Variants in IDO2 observed in about 807,000 individuals in gnomAD.
IDO2 encodes the protein indoleamine 2,3-dioxygenase-like 1 protein.
In IDO2, 46 loss-of-function variants were observed where a neutral mutation model predicts 45.1. The observed-to-expected ratio is 1.02, with a 90% CI of 0.80 to 1.30. IDO2 has a LOEUF of 1.30. IDO2 is among the 50% of genes most tolerant of loss of function. IDO2 has a pLI of 0.00. For synonymous variants in IDO2, 218 were observed against 184.9 expected (o/e 1.18, Z -1.45); for missense variants, 544 against 491.8 (o/e 1.11, Z -1.00).
Position 39,949,141 on chromosome 8 carries a change from C to T in IDO2, c.-17-8C>T, listed in dbSNP as rs1276185663. Reference sequence around the variant, plus strand: ...ACAATTGATTCTTCAGTGACACTTTCCATGCAGATACTTCAAACAAAATAA... The same window carrying T: ...ACAATTGATTCTTCAGTGACACTTTTCATGCAGATACTTCAAACAAAATAA... On this transcript the variant is annotated splice_polypyrimidine_tract_variant and splice_region_variant and intron_variant, in intron 1 of 10. Coordinates refer to ENST00000502986, the Ensembl canonical transcript of IDO2. The T allele has an allele frequency of 4.4e-6, 7 of 1,593,128 alleles. No individual in the cohort carries two copies. Among genetic ancestry groups the T allele is most frequent in the Non-Finnish European group, 6.0e-6 (7 of 1,168,644 alleles).
chr8:39,963,658 T>G, exon 3 of IDO2: 1 of 1,612,668 alleles, frequency 6.2e-7, no homozygotes, highest in Non-Finnish European at 8.5e-7. Context: ...CCAACAAACT[T>G]CCTCAATTGA....
intron 2 of IDO2, among the ~76,000 whole-genome samples, chr8:39,962,051 A>G (rs1808006494): frequency 6.6e-6 from 1 of 152,236 alleles, no homozygotes; most frequent in South Asian, 2.1e-4. Flanking sequence ...CATAGATAGC[A>G]TGTAAACAAA....
At chr8:39,957,992 G>A (rs536784729) in intron 2 of IDO2, among the ~76,000 whole-genome samples, 6 of 151,832 alleles carry the variant, frequency 4.0e-5, no homozygotes, top group Admixed American at 3.3e-4. Context: ...TGCAACCTTC[G>A]CCTCCTGGGT....
chr8:40,005,938 T>C (rs769669457), intron 9 of IDO2, among the ~76,000 whole-genome samples: 35 of 152,208 alleles, frequency 2.3e-4, no homozygotes, highest in Non-Finnish European at 3.2e-4. Context: ...AATGCCCTTA[T>C]AAAGGGGCTG....
At chr8:39,985,545 C>A (rs147416524) in intron 6 of IDO2, 23 bp downstream of exon 6, 2 of 1,554,174 alleles carry the variant, frequency 1.3e-6, no homozygotes, top group South Asian at 1.2e-5. Flanking sequence ...AAATCATTTA[C>A]GCACTTTAGA....
chr8:39,969,662 T>G (rs113849052), intron 3 of IDO2, among the ~76,000 whole-genome samples: 2,513 of 152,176 alleles, frequency 0.017, 71 homozygotes, highest in African/African-American at 0.058. Context: ...ATCACCTGAG[T>G]TCAGGACTTC....
At chr8:40,014,558 C>A (rs1802358050) in intron 10 of IDO2, among the ~76,000 whole-genome samples, 1 of 152,194 alleles carries the variant, frequency 6.6e-6, no homozygotes, top group Non-Finnish European at 1.5e-5. Context: ...AAACAAAATT[C>A]ACCAGAGTAT....
intron 3 of IDO2, among the ~76,000 whole-genome samples, chr8:39,966,996 T>C (rs1808094335): frequency 6.6e-6 from 1 of 152,258 alleles, no homozygotes; most frequent in Non-Finnish European, 1.5e-5. Flanking sequence ...AGCTGATATA[T>C]AAAAAGAACT....
At chr8:39,971,552 T>C (rs1428124353) in intron 3 of IDO2, among the ~76,000 whole-genome samples, 1 of 152,184 alleles carries the variant, frequency 6.6e-6, no homozygotes, top group Non-Finnish European at 1.5e-5. Flanking sequence ...CTGAAGAATC[T>C]GGGCAAAGTC....
At chr8:39,981,930 AG>A (rs921449465) in intron 4 of IDO2, among the ~76,000 whole-genome samples, 3 of 152,034 alleles carry the variant, frequency 2.0e-5, no homozygotes, top group Non-Finnish European at 4.4e-5. Flanking sequence ...AAAAGGTTGA[AG>A]GGGGTCTGTC....
chr8:39,968,469 C>T (rs555686133), intron 3 of IDO2, among the ~76,000 whole-genome samples: 1 of 152,090 alleles, frequency 6.6e-6, no homozygotes, highest in Admixed American at 6.6e-5. Context: ...ACTGAAAAAC[C>T]CATGGAATTG....
intron 9 of IDO2, 125 bp downstream of exon 9, chr8:40,005,503 A>G: frequency 2.0e-6 from 1 of 497,828 alleles, no homozygotes; most frequent in Non-Finnish European, 3.4e-6. Context: ...CTAGGGATCC[A>G]CTCTCAGGTA....
At chr8:39,951,840 A>G in intron 2 of IDO2, among the ~76,000 whole-genome samples, 1 of 152,250 alleles carries the variant, frequency 6.6e-6, no homozygotes, top group Non-Finnish European at 1.5e-5. Context: ...ACGTAGATCC[A>G]CAGTTGTAGA....
chr8:39,939,122 G>C (rs1444401600), intron 1 of IDO2, among the ~76,000 whole-genome samples: 1 of 151,794 alleles, frequency 6.6e-6, no homozygotes, highest in Non-Finnish European at 1.5e-5. Context: ...TGTGGTGGCG[G>C]GCGCCTGCTA....
intron 1 of IDO2, among the ~76,000 whole-genome samples, chr8:39,943,663 G>T (rs980494695): frequency 2.7e-5 from 4 of 148,320 alleles, no homozygotes; most frequent in Non-Finnish European, 6.0e-5. Flanking sequence ...CGTGAACCCC[G>T]GGGGGCGGAG....
chr8:39,958,365 C>A (rs985656825), intron 2 of IDO2, among the ~76,000 whole-genome samples: 5 of 152,006 alleles, frequency 3.3e-5, no homozygotes, highest in African/African-American at 1.2e-4. Flanking sequence ...TCCCGAACAG[C>A]TGGGGTTACA....
intron 8 of IDO2, among the ~76,000 whole-genome samples, chr8:39,992,950 C>A (rs1341724568): frequency 6.6e-6 from 1 of 152,122 alleles, no homozygotes; most frequent in Non-Finnish European, 1.5e-5. Flanking sequence ...CCCAGCTTTT[C>A]TCAGTTTTGT....
At chr8:39,955,294 G>A (rs1324829697) in intron 2 of IDO2, among the ~76,000 whole-genome samples, 1 of 96,678 alleles carries the variant, frequency 1.0e-5, no homozygotes, top group Non-Finnish European at 1.9e-5. Flanking sequence ...CACTCTTGTT[G>A]CCTAGGCTGG....
chr8:39,939,423 T>C (rs1807608809), intron 1 of IDO2, among the ~76,000 whole-genome samples: 2 of 150,252 alleles, frequency 1.3e-5, no homozygotes, highest in Admixed American at 6.6e-5. Context: ...GGCACATGCC[T>C]GTAGTCCCAG....
Sources: allele counts gnomAD v4.1 joint callset (sites outside exome capture counted in the v4.1 genomes callset), GRCh38; gene constraint gnomAD v4.1.1; transcripts MANE v1.5; gene names NCBI Gene and HGNC (gene_info 2026-07-23, HGNC 2026-07-21).